Variants in ANKRD27 observed in about 807,000 individuals in gnomAD.
The protein encoded by ANKRD27 is ankyrin repeat domain-containing protein 27.
ANKRD27 carries 112 observed loss-of-function variants against 129.7 expected under a neutral mutation model. That is an observed-to-expected ratio of 0.86 (90% CI 0.74 to 1.01). ANKRD27 has a LOEUF of 1.01. ANKRD27 is among the 50% of genes least tolerant of loss of function. The pLI is 0.00. For missense variants in ANKRD27, 1,258 were observed against 1,300.5 expected, an observed-to-expected ratio of 0.97 and a Z score of 0.50; for synonymous variants, 516 against 511.2, an observed-to-expected ratio of 1.01 and a Z score of -0.13.
chr19:32,671,025 G>A (rs1314046954), intron 1 of ANKRD27, among the ~76,000 whole-genome samples: 1 of 152,116 alleles, frequency 6.6e-6, no homozygotes, highest in Non-Finnish European at 1.5e-5. Context: ...GCCAGGTGCA[G>A]TGGCTCACAC....
intron 8 of ANKRD27, 32 bp from the exon 9 acceptor site, chr19:32,643,231 T>C: frequency 6.2e-7 from 1 of 1,614,080 alleles, no homozygotes; most frequent in Non-Finnish European, 8.5e-7. Context: ...CCTTCAAATT[T>C]CTCAAAAAGC....
chr19:32,608,639 T>A (rs144098786), intron 22 of ANKRD27, among the ~76,000 whole-genome samples: 4 of 152,202 alleles, frequency 2.6e-5, no homozygotes, highest in Admixed American at 6.5e-5. Flanking sequence ...ACCCTGCATA[T>A]TTATCAGAAT....
At chr19:32,661,199 TAAAA>T (rs78062810) in intron 1 of ANKRD27, among the ~76,000 whole-genome samples, 2 of 114,872 alleles carry the variant, frequency 1.7e-5, no homozygotes, top group East Asian at 2.3e-4. Flanking sequence ...AGATGCTGTC[TAAAA>T]AAAAAAAAAA....
At position 32,597,389 on chromosome 19, in the gene ANKRD27, A is replaced by G. The variant is rs1971585600; in HGVS notation, c.*756T>C. 6.6e-6 allele frequency: 1 copy of G among 152,670 alleles called. No individual in the cohort carries two copies. Among genetic ancestry groups the G allele is most frequent in the Non-Finnish European group, 1.5e-5 (1 of 68,058 alleles). 9.5% of individuals were successfully genotyped at this position (152,670 alleles called of 1,614,324 possible). A position where few individuals can be genotyped will look rare whatever the true frequency, so the allele number is the denominator to read the frequency against. On this transcript the variant is annotated 3_prime_UTR_variant, in exon 29 of 29. Coordinates refer to ENST00000306065, the MANE Select transcript of ANKRD27 (RefSeq NM_032139.3). Reference sequence around the variant, plus strand: ...GCCAAATCTACTCTCTAATCCAGTAACCATCCCGTCAGGTGTGAGTGTGAC... The same window carrying G: ...GCCAAATCTACTCTCTAATCCAGTAGCCATCCCGTCAGGTGTGAGTGTGAC...
rs532062312 is a variant in ANKRD27, at chr19:32,606,939, C to CAAAAAAAAAAAAAA, written c.2373+682_2373+695dup. The stretch of plus-strand genomic sequence containing the variant: ...ACAACATGGTGAAACCCCATCTCCA[C>CAAAAAAAAAAAAAA]AAAAAAAAAAAAAAAAAAAAAAAAA... On this transcript the variant is annotated intron_variant, in intron 23 of 28. Coordinates refer to ENST00000306065, the MANE Select transcript of ANKRD27 (RefSeq NM_032139.3). Among the ~76,000 whole-genome samples, 26 of 65,648 alleles carry CAAAAAAAAAAAAAA rather than the reference C, an allele frequency of 4.0e-4. 1 individual carries two copies. The highest frequency in any genetic ancestry group is 2.3e-3 in the East Asian group (4 of 1,708). The allele number at this position is 65,648 out of a possible 152,430, so 43.1% of individuals were successfully genotyped here.
intron 16 of ANKRD27, 135 bp from the exon 17 acceptor site, chr19:32,626,101 C>T (rs1490690427): frequency 5.1e-6 from 3 of 592,134 alleles, no homozygotes; most frequent in South Asian, 2.6e-5. Context: ...TAAACCAACA[C>T]CCATCATTCC....
At chr19:32,673,373 G>T (rs1967909783) in intron 1 of ANKRD27, 1 of 985,216 alleles carries the variant, frequency 1.0e-6, no homozygotes, top group Non-Finnish European at 1.2e-6. Flanking sequence ...TCTGCCCCCT[G>T]GATTTCACTC....
chr19:32,625,416 G>A lies in ANKRD27; in HGVS notation c.1629+458C>T, dbSNP rs575538061. On this transcript the variant is annotated intron_variant, in intron 17 of 28. Transcript: ENST00000306065. The stretch of plus-strand genomic sequence containing the variant: ...ACTTTGTTACTTCAATATGGCATCT[G>A]TAATATATTAAACATTCTCTTTTTT... Among the ~76,000 whole-genome samples the A allele has an allele frequency of 3.3e-5, 5 of 149,794 alleles. No individual in the cohort carries two copies. In the East Asian group the frequency reaches 1.0e-3, roughly 30 times the overall value.
chr19:32,619,672 C>G lies in ANKRD27; in HGVS notation c.1828-119G>C, dbSNP rs1003692695. 7 of 1,268,120 alleles carry G rather than the reference C, an allele frequency of 5.5e-6. No homozygotes were observed. In the African/African-American group the frequency reaches 8.8e-5, roughly 16 times the overall value. 78.6% of individuals were successfully genotyped at this position (1,268,120 alleles called of 1,614,324 possible). A position where few individuals can be genotyped will look rare whatever the true frequency, so the allele number is the denominator to read the frequency against. On this transcript the variant is annotated intron_variant, in intron 18 of 28. Transcript: ENST00000306065. ...TCCTCGGAATGTCAGTGCAGTGAGC[C>G]TTAGGTCACGTGGCCCAGTCGCACC...
chr19:32,632,421 C>A (rs985158509), intron 12 of ANKRD27, among the ~76,000 whole-genome samples: 1 of 151,848 alleles, frequency 6.6e-6, no homozygotes, highest in Non-Finnish European at 1.5e-5. Flanking sequence ...CCCCTCTCTA[C>A]TAAAAATACA....
At position 32,622,601 on chromosome 19, in the gene ANKRD27, A is replaced by T. The variant is rs1972029912; in HGVS notation, c.1648T>A (p.Tyr550Asn). 2 of 1,613,644 alleles carry T rather than the reference A, an allele frequency of 1.2e-6. No homozygotes were observed. Among genetic ancestry groups the T allele is most frequent in the Non-Finnish European group, 1.7e-6 (2 of 1,180,022 alleles). The stretch of plus-strand genomic sequence containing the variant: ...AGTCTGCACGACTCCACGTCGTAGT[A>T]AACCAGAGCCTTCACACACTGCAAA... ...GHEDCVKALV[Y>N]YDVESCRLDI... Residue 550 changes from tyrosine to asparagine, a missense_variant, in exon 18 of 29, where the codon TAC becomes AAC. Transcript: ENST00000306065.
intron 1 of ANKRD27, among the ~76,000 whole-genome samples, chr19:32,661,059 T>G (rs10417268): frequency 0.053 from 8,009 of 151,832 alleles, 740 homozygotes; most frequent in African/African-American, 0.18. Context: ...AAATTAGCCA[T>G]GTGTGGCAGC....
At chr19:32,606,001 A>G (rs1971728841) in intron 23 of ANKRD27, 47 bp from the exon 24 acceptor site, 1 of 1,519,252 alleles carries the variant, frequency 6.6e-7, no homozygotes, top group East Asian at 2.4e-5. Context: ...AATTTCTGTC[A>G]TTTCCTGCCA....
At chr19:32,657,345 C>T (rs1466061681) in intron 2 of ANKRD27, among the ~76,000 whole-genome samples, 3 of 151,944 alleles carry the variant, frequency 2.0e-5, no homozygotes, top group African/African-American at 7.3e-5. Flanking sequence ...ACCTGTAGTC[C>T]CAGCTACTCA....
At chr19:32,613,101 G>A (rs1971858238) in intron 22 of ANKRD27, among the ~76,000 whole-genome samples, 1 of 151,766 alleles carries the variant, frequency 6.6e-6, no homozygotes, top group African/African-American at 2.4e-5. Context: ...AAACCAATTA[G>A]AAAATGGGCA....
At chr19:32,603,053 C>T (rs1971676543) in intron 25 of ANKRD27, among the ~76,000 whole-genome samples, 1 of 152,108 alleles carries the variant, frequency 6.6e-6, no homozygotes, top group Non-Finnish European at 1.5e-5. Flanking sequence ...AATCCCAGCA[C>T]TTCGGGATGC....
chr19:32,627,362 TTTTATTTATTTATTTATTTA>T (rs149637042), intron 15 of ANKRD27, among the ~76,000 whole-genome samples: 91 of 132,326 alleles, frequency 6.9e-4, no homozygotes, highest in Middle Eastern at 3.8e-3. Context: ...GTGCACTTTA[TTTTATTTATTTATTTATTTA>T]TTTATTTATT....
At chr19:32,621,505 G>A (rs1429918897) in intron 18 of ANKRD27, among the ~76,000 whole-genome samples, 1 of 152,146 alleles carries the variant, frequency 6.6e-6, no homozygotes, top group Non-Finnish European at 1.5e-5. Flanking sequence ...GTGGGCACCT[G>A]TAATCCCAGC....
intron 10 of ANKRD27, among the ~76,000 whole-genome samples, chr19:32,641,208 T>G (rs1005317165): frequency 6.8e-6 from 1 of 147,978 alleles, no homozygotes; most frequent in Non-Finnish European, 1.5e-5. Context: ...GCCGACCCTG[T>G]CTCTTAAGAA....
Sources: gnomAD v4.1 joint callset for allele counts (sites outside exome capture counted in the v4.1 genomes callset) on GRCh38, gnomAD v4.1.1 for gene constraint, MANE v1.5 for transcripts, NCBI Gene and HGNC (gene_info 2026-07-23, HGNC 2026-07-21) for gene names.